Variants in MRPL1 observed in about 807,000 individuals in gnomAD.
MRPL1 encodes large ribosomal subunit protein uL1m.
MRPL1 carries 28 observed loss-of-function variants against 38.0 expected under a neutral mutation model. That is an observed-to-expected ratio of 0.74 (90% CI 0.55 to 1.01). MRPL1 has a LOEUF of 1.01. Ranked by LOEUF, MRPL1 falls within the 50% of genes least tolerant of loss-of-function variation. The pLI is 0.00. For synonymous variants in MRPL1, 123 were observed against 126.7 expected, an observed-to-expected ratio of 0.97 and a Z score of 0.20; for missense variants, 358 against 389.8, an observed-to-expected ratio of 0.92 and a Z score of 0.69.
chr4:77,943,388 G>T (rs1278774338), intron 7 of MRPL1, among the ~76,000 whole-genome samples: 1 of 152,046 alleles, frequency 6.6e-6, no homozygotes, highest in Non-Finnish European at 1.5e-5. Context: ...AATTTCCCAG[G>T]TGTTCTTTGA....
intron 2 of MRPL1, among the ~76,000 whole-genome samples, chr4:77,881,572 G>C (rs2110234161): frequency 6.6e-6 from 1 of 151,320 alleles, no homozygotes; most frequent in South Asian, 2.1e-4. Flanking sequence ...CTCCTAAGTA[G>C]CTGGGACCAC....
intron 6 of MRPL1, chr4:77,907,054 C>T (rs1038849293): frequency 1.3e-5 from 13 of 985,216 alleles, no homozygotes; most frequent in South Asian, 9.4e-5. Context: ...GAGGGTATGC[C>T]GTGCTCTCTA....
chr4:77,920,856 T>C (rs963359579), intron 7 of MRPL1, among the ~76,000 whole-genome samples: 2 of 152,108 alleles, frequency 1.3e-5, no homozygotes, highest in African/African-American at 4.8e-5. Context: ...TTCACCTCTT[T>C]GTTTCAACTG....
intron 1 of MRPL1, among the ~76,000 whole-genome samples, chr4:77,867,694 A>G (rs1735177525): frequency 6.7e-6 from 1 of 148,414 alleles, no homozygotes; most frequent in Non-Finnish European, 1.5e-5. Flanking sequence ...TTGGCTTCCC[A>G]GTGTTGGGAT....
chr4:77,904,008 G>A (rs759808367), intron 6 of MRPL1, among the ~76,000 whole-genome samples: 1 of 152,032 alleles, frequency 6.6e-6, no homozygotes, highest in Non-Finnish European at 1.5e-5. Context: ...TACTTTGGGA[G>A]GCCGAGGCAG....
At chr4:77,932,869 G>A (rs1736879230) in intron 7 of MRPL1, among the ~76,000 whole-genome samples, 1 of 151,462 alleles carries the variant, frequency 6.6e-6, no homozygotes, top group Admixed American at 6.6e-5. Flanking sequence ...GTACTAAAAA[G>A]GTTGGGACCA....
chr4:77,885,592 C>T lies in MRPL1; in HGVS notation c.486+253C>T, dbSNP rs113314423. Among the ~76,000 whole-genome samples the T allele has an allele frequency of 2.9e-3, 443 of 152,276 alleles. 3 individuals carry two copies. The highest frequency in any genetic ancestry group is 0.014 in the Middle Eastern group (4 of 292). On this transcript the variant is annotated intron_variant, in intron 4 of 8. Coordinates refer to ENST00000315567, the MANE Select transcript of MRPL1 (RefSeq NM_020236.4). The stretch of plus-strand genomic sequence containing the variant: ...ATGTTGGCCGGGGTAGTCTTGATCT[C>T]TTGACCTTGTGATCCGCCCGCCTCG...
At chr4:77,883,629 G>A in intron 3 of MRPL1, 129 bp downstream of exon 3, 1 of 935,348 alleles carries the variant, frequency 1.1e-6, no homozygotes. Flanking sequence ...CCAGGCTGGA[G>A]TGCGGTGGTA....
rs4859513 is a variant in MRPL1, at chr4:77,949,786, T to C, written c.778-11T>C. On this transcript the variant is annotated splice_polypyrimidine_tract_variant and intron_variant, in intron 7 of 8. Coordinates refer to ENST00000315567, the MANE Select transcript of MRPL1 (RefSeq NM_020236.4). ...CTCATCATTAATGTTATGTATATTATTTTCTTTCAGTTGGATATGTCAAGT... is the reference window on the plus strand; with the variant it reads ...CTCATCATTAATGTTATGTATATTACTTTCTTTCAGTTGGATATGTCAAGT... 6.4e-7 allele frequency: 1 copy of C among 1,555,172 alleles called. No homozygotes were observed. Among genetic ancestry groups the C allele is most frequent in the Middle Eastern group, 1.7e-4 (1 of 5,946 alleles).
At position 77,949,843 on chromosome 4, in the gene MRPL1, TTAA is replaced by T; in HGVS notation, c.826_828del (p.Asn276del). On this transcript the variant is annotated inframe_deletion, in exon 8 of 9. Transcript: ENST00000315567. Reference sequence around the variant, plus strand: ...ATAGCTGCCAATCTGCAAGCAGTTATTAATGAAGTTTGTAGGCACAGACCGCTG... The same window carrying T: ...ATAGCTGCCAATCTGCAAGCAGTTATTGAAGTTTGTAGGCACAGACCGCTG... 1 of 1,611,784 alleles carries T rather than the reference TTAA, an allele frequency of 6.2e-7. No homozygotes were observed. The highest frequency in any genetic ancestry group is 8.5e-7 in the Non-Finnish European group (1 of 1,178,802).
intron 7 of MRPL1, among the ~76,000 whole-genome samples, chr4:77,946,743 G>C (rs973541257): frequency 6.6e-6 from 1 of 152,178 alleles, no homozygotes; most frequent in African/African-American, 2.4e-5. Flanking sequence ...TATTTGGACA[G>C]ACTAACCTCT....
At chr4:77,870,551 A>G (rs2110228559) in intron 1 of MRPL1, among the ~76,000 whole-genome samples, 1 of 152,342 alleles carries the variant, frequency 6.6e-6, no homozygotes, top group African/African-American at 2.4e-5. Flanking sequence ...ATGTTTGTGA[A>G]AATAGGCTCT....
At chr4:77,869,959 T>C (rs1370088983) in intron 1 of MRPL1, among the ~76,000 whole-genome samples, 1 of 152,164 alleles carries the variant, frequency 6.6e-6, no homozygotes, top group East Asian at 1.9e-4. Flanking sequence ...CAGAACTCAC[T>C]GCAGCCTCAA....
chr4:77,904,101 A>G (rs1445720547), intron 6 of MRPL1, among the ~76,000 whole-genome samples: 1 of 150,538 alleles, frequency 6.6e-6, no homozygotes, highest in African/African-American at 2.5e-5. Context: ...AAAAAAATCT[A>G]CTGGGTGTGG....
chr4:77,882,746 G>C (rs997452214), intron 2 of MRPL1, among the ~76,000 whole-genome samples: 11 of 152,042 alleles, frequency 7.2e-5, no homozygotes, highest in Admixed American at 2.0e-4. Flanking sequence ...TAGACATTTG[G>C]GTTGTTTCTA....
intron 2 of MRPL1, 130 bp downstream of exon 2, chr4:77,871,985 T>C: frequency 3.1e-6 from 2 of 645,156 alleles, no homozygotes; most frequent in South Asian, 3.8e-5. Flanking sequence ...TTCATCGACC[T>C]TATAGTCCTG....
intron 7 of MRPL1, among the ~76,000 whole-genome samples, chr4:77,934,983 G>A (rs557096808): frequency 4.6e-5 from 7 of 152,282 alleles, no homozygotes; most frequent in East Asian, 3.9e-4. Flanking sequence ...AGTGAAATTC[G>A]TAGAGATAGA....
intron 7 of MRPL1, among the ~76,000 whole-genome samples, chr4:77,916,804 G>A (rs561627940): frequency 6.6e-6 from 1 of 152,046 alleles, no homozygotes; most frequent in Non-Finnish European, 1.5e-5. Flanking sequence ...AAGAAATATT[G>A]CCAAAATTCT....
At chr4:77,877,581 T>G in intron 2 of MRPL1, among the ~76,000 whole-genome samples, 1 of 147,874 alleles carries the variant, frequency 6.8e-6, no homozygotes, top group African/African-American at 2.5e-5. Context: ...TGATGGGTGT[T>G]GGGAGGGATT....
Sources: allele counts gnomAD v4.1 joint callset (sites outside exome capture counted in the v4.1 genomes callset), GRCh38; gene constraint gnomAD v4.1.1; transcripts MANE v1.5; gene names NCBI Gene and HGNC (gene_info 2026-07-23, HGNC 2026-07-21).